The following HSD17B13 variants were observed in gnomAD, a reference collection of about 807,000 sequenced individuals.
HSD17B13 encodes 17-beta-hydroxysteroid dehydrogenase 13.
HSD17B13 carries 26 observed loss-of-function variants against 31.1 expected under a neutral mutation model. The observed-to-expected ratio is 0.84, with a 90% CI of 0.61 to 1.16. HSD17B13 has a LOEUF of 1.16. Ranked by LOEUF, HSD17B13 falls within the 50% of genes most tolerant of loss-of-function variation. The pLI is 0.00. For missense variants in HSD17B13, 374 were observed against 366.5 expected (o/e 1.02, Z -0.17); for synonymous variants, 141 against 133.7 (o/e 1.05, Z -0.38).
At chr4:87,309,898 G>A (rs1316638218) in intron 6 of HSD17B13, among the ~76,000 whole-genome samples, 3 of 152,116 alleles carry the variant, frequency 2.0e-5, no homozygotes, top group Non-Finnish European at 2.9e-5. Flanking sequence ...GGTGGCTCAT[G>A]ACTGTAATCC....
intron 6 of HSD17B13, 61 bp downstream of exon 6, chr4:87,310,182 A>AG: frequency 7.0e-7 from 1 of 1,436,052 alleles, no homozygotes; most frequent in Non-Finnish European, 9.1e-7. Flanking sequence ...TAAAAAAAAA[A>AG]AAAGCAAAAA....
In HSD17B13 at chr4:87,310,923, G is replaced by C. The variant is rs533534908; in HGVS notation, c.696-564C>G. ...TAAGGCATTCTTTGTCACAGGATGA[G>C]ATAGGAGGTTGGCACAAGATTCAGG... is the stretch of plus-strand genomic sequence containing the variant. On this transcript the variant is annotated intron_variant, in intron 5 of 6. Coordinates refer to ENST00000328546, the MANE Select transcript of HSD17B13 (RefSeq NM_178135.5). Among the ~76,000 whole-genome samples the C allele has an allele frequency of 4.6e-5, 7 of 152,286 alleles. No individual in the cohort carries two copies. In the South Asian group the frequency reaches 1.5e-3, roughly 32 times the overall value.
At chr4:87,314,701 T>C (rs555084505) in intron 4 of HSD17B13, among the ~76,000 whole-genome samples, 22 of 151,688 alleles carry the variant, frequency 1.5e-4, no homozygotes, top group Non-Finnish European at 2.8e-4. Flanking sequence ...GTAAAATGTT[T>C]TGATCCAGGG....
chr4:87,305,378 G>C (rs1734367587), intron 6 of HSD17B13, 70 bp from the exon 7 acceptor site: 2 of 1,062,700 alleles, frequency 1.9e-6, no homozygotes, highest in Admixed American at 2.6e-5. Context: ...TTCTGTTTTT[G>C]GTCATTTAGA....
chr4:87,310,173 A>G (rs1476762169), intron 6 of HSD17B13, 70 bp downstream of exon 6: 22 of 414,164 alleles, frequency 5.3e-5, no homozygotes, highest in Middle Eastern at 6.7e-4. Flanking sequence ...GACTCTGTCT[A>G]AAAAAAAAAA....
intron 5 of HSD17B13, among the ~76,000 whole-genome samples, chr4:87,313,427 G>A (rs922649014): frequency 6.6e-6 from 1 of 152,054 alleles, no homozygotes; most frequent in African/African-American, 2.4e-5. Context: ...CTCCTTTCAG[G>A]ACTAATTTTT....
At chr4:87,316,547 C>T (rs996268449) in intron 3 of HSD17B13, among the ~76,000 whole-genome samples, 1 of 152,146 alleles carries the variant, frequency 6.6e-6, no homozygotes, top group Admixed American at 6.6e-5. Flanking sequence ...TTTCCATCTC[C>T]CACAAAACTA....
chr4:87,309,682 A>C (rs574945773), intron 6 of HSD17B13, among the ~76,000 whole-genome samples: 1 of 152,290 alleles, frequency 6.6e-6, no homozygotes, highest in Non-Finnish European at 1.5e-5. Context: ...TTCTTTTTAA[A>C]CTGTGTTTCC....
chr4:87,307,301 A>G (rs1297979719), intron 6 of HSD17B13, among the ~76,000 whole-genome samples: 1 of 152,168 alleles, frequency 6.6e-6, no homozygotes, highest in African/African-American at 2.4e-5. Context: ...AAAGACTTTG[A>G]GACTCTTGTT....
At chr4:87,315,083 G>A (rs574388250) in intron 4 of HSD17B13, among the ~76,000 whole-genome samples, 237 of 152,168 alleles carry the variant, frequency 1.6e-3, no homozygotes, top group African/African-American at 5.5e-3. Flanking sequence ...TGACTTCCTA[G>A]AACTAAATCA....
At chr4:87,305,938 A>T (rs1734380456) in intron 6 of HSD17B13, among the ~76,000 whole-genome samples, 2 of 152,192 alleles carry the variant, frequency 1.3e-5, no homozygotes, top group Non-Finnish European at 2.9e-5. Flanking sequence ...TACGTTAATA[A>T]TCGTAACCAT....
intron 6 of HSD17B13, 42 bp downstream of exon 6, chr4:87,310,201 C>A: frequency 1.4e-6 from 2 of 1,459,678 alleles, no homozygotes; most frequent in Non-Finnish European, 9.1e-7. Flanking sequence ...AAAAAAAGCT[C>A]TATTGGTGTT....
At chr4:87,308,695 A>AAAAT (rs756510337) in intron 6 of HSD17B13, among the ~76,000 whole-genome samples, 193 of 149,536 alleles carry the variant, frequency 1.3e-3, no homozygotes, top group Non-Finnish European at 1.8e-3. Context: ...AAATATAATA[A>AAAAT]AAATAAATAA....
chr4:87,316,347 G>A (rs1267588093), intron 3 of HSD17B13, among the ~76,000 whole-genome samples: 1 of 152,144 alleles, frequency 6.6e-6, no homozygotes, highest in African/African-American at 2.4e-5. Context: ...TAATGTATGA[G>A]GTCTCCGTGT....
At chr4:87,315,141 A>G (rs1734621745) in intron 4 of HSD17B13, among the ~76,000 whole-genome samples, 1 of 150,854 alleles carries the variant, frequency 6.6e-6, no homozygotes, top group Non-Finnish European at 1.5e-5. Context: ...CCATTTACAT[A>G]TGGTGTACAC....
At chr4:87,317,599 G>A (rs1056125208) in intron 2 of HSD17B13, among the ~76,000 whole-genome samples, 3 of 37,882 alleles carry the variant, frequency 7.9e-5, no homozygotes, top group African/African-American at 6.0e-4. Flanking sequence ...TTTAGAGATA[G>A]GGTCTCACTA....
chr4:87,321,231 G>A (rs1389970892), intron 1 of HSD17B13, among the ~76,000 whole-genome samples: 3 of 151,932 alleles, frequency 2.0e-5, no homozygotes, highest in Non-Finnish European at 4.4e-5. Flanking sequence ...GGGTTTTGCT[G>A]TGCTGCCCAG....
intron 5 of HSD17B13, among the ~76,000 whole-genome samples, chr4:87,312,526 T>TTA: frequency 8.0e-6 from 1 of 125,564 alleles, no homozygotes; most frequent in Non-Finnish European, 1.7e-5. Flanking sequence ...TTCTTTTTTT[T>TTA]TTTTTTTTTT....
intron 5 of HSD17B13, 122 bp downstream of exon 5, chr4:87,313,701 T>C: frequency 1.3e-6 from 1 of 746,962 alleles, no homozygotes; most frequent in Non-Finnish European, 2.1e-6. Flanking sequence ...ATAATAATAA[T>C]AAGAAAAATT....
Sources: gnomAD v4.1 joint callset for allele counts (sites outside exome capture counted in the v4.1 genomes callset) on GRCh38, gnomAD v4.1.1 for gene constraint, MANE v1.5 for transcripts, NCBI Gene and HGNC (gene_info 2026-07-23, HGNC 2026-07-21) for gene names.